Variants in PRKG1 observed in about 807,000 individuals in gnomAD.
The protein encoded by PRKG1 is cGMP-dependent protein kinase 1.
Under a neutral mutation model 88.1 loss-of-function variants are expected in PRKG1, and 35 were observed. The ratio of observed to expected loss-of-function variants is 0.40; its 90% CI spans 0.30 to 0.53. PRKG1 has a LOEUF of 0.53. Among genes scored for constraint, PRKG1 ranks in the 20% least tolerant of loss-of-function variants. The pLI is 0.59. For synonymous variants in PRKG1, 303 were observed against 292.5 expected (o/e 1.04, Z -0.37); for missense variants, 540 against 839.8 (o/e 0.64, Z 4.41).
rs867126905 is a variant in PRKG1, at chr10:51,451,475, G to A, written c.479-16248G>A. 3.3e-5 allele frequency among the ~76,000 whole-genome samples: 5 copies of A among 151,890 alleles called. No individual in the cohort carries two copies. The South Asian group carries it at 8.3e-4, about 25-fold the overall frequency. On this transcript the variant is annotated intron_variant, in intron 2 of 17. Transcript: ENST00000373980. Reference sequence around the variant, plus strand: ...GCTAGACCATGAGGTTTGAATAAGAGAATGTCAGAGATGAAGACTCAAACT... The same window carrying A: ...GCTAGACCATGAGGTTTGAATAAGAAAATGTCAGAGATGAAGACTCAAACT...
chr10:52,117,814 A>G (rs934098134), intron 7 of PRKG1, among the ~76,000 whole-genome samples: 3 of 152,058 alleles, frequency 2.0e-5, no homozygotes, highest in Non-Finnish European at 4.4e-5. Context: ...GTGTGTGCAT[A>G]TGTGTTTTAC....
At chr10:52,270,856 A>G (rs1287815137) in intron 10 of PRKG1, among the ~76,000 whole-genome samples, 1 of 151,936 alleles carries the variant, frequency 6.6e-6, no homozygotes, top group African/African-American at 2.4e-5. Context: ...CGTACCCTAG[A>G]ACTTAAAGTA....
intron 3 of PRKG1, among the ~76,000 whole-genome samples, chr10:51,557,334 C>T (rs567961739): frequency 7.3e-6 from 1 of 136,428 alleles, no homozygotes; most frequent in Non-Finnish European, 1.6e-5. Flanking sequence ...TGGGCACCGG[C>T]ATACACCACC....
At chr10:52,059,342 A>G (rs1023127368) in intron 6 of PRKG1, among the ~76,000 whole-genome samples, 2 of 152,002 alleles carry the variant, frequency 1.3e-5, no homozygotes, top group Admixed American at 1.3e-4. Flanking sequence ...ATGAAAATAT[A>G]GCTCACACAA....
chr10:52,239,270 A>G (rs1380890201), intron 9 of PRKG1, among the ~76,000 whole-genome samples: 2 of 145,964 alleles, frequency 1.4e-5, no homozygotes, highest in East Asian at 2.0e-4. Flanking sequence ...ATGTATACAT[A>G]TGTAACTAAC....
At chr10:51,594,295 T>G (rs1838386505) in intron 3 of PRKG1, among the ~76,000 whole-genome samples, 1 of 152,204 alleles carries the variant, frequency 6.6e-6, no homozygotes. Flanking sequence ...CTAAAAGCAC[T>G]GGGATTACAG....
intron 1 of PRKG1, among the ~76,000 whole-genome samples, chr10:51,145,416 T>G (rs2131962021): frequency 6.6e-6 from 1 of 152,300 alleles, no homozygotes; most frequent in African/African-American, 2.4e-5. Context: ...GAGTTAGTTC[T>G]TAATAGATCA....
intron 3 of PRKG1, among the ~76,000 whole-genome samples, chr10:51,745,268 A>G (rs1400764872): frequency 6.6e-6 from 1 of 152,188 alleles, no homozygotes; most frequent in South Asian, 2.1e-4. Flanking sequence ...ACATTTATTA[A>G]CTTATCAAAC....
At chr10:52,020,459 T>C (rs4279961) in intron 5 of PRKG1, among the ~76,000 whole-genome samples, 121,038 of 152,078 alleles carry the variant, frequency 0.8, 48,314 homozygotes, top group Non-Finnish European at 0.82. Flanking sequence ...AAGAATTCGA[T>C]GGAGGGGCAT....
chr10:51,329,548 TACTC>T (rs1841677297), intron 2 of PRKG1, among the ~76,000 whole-genome samples: 1 of 152,236 alleles, frequency 6.6e-6, no homozygotes, highest in Admixed American at 6.5e-5. Context: ...GTTTTTGTGA[TACTC>T]ACTAGCTTTT....
At position 51,230,185 on chromosome 10, in the gene PRKG1, T is replaced by C. The variant is rs1013423538; in HGVS notation, c.478+76855T>C. ...AAAGAGAATAAAAATGAATTAGTTG[T>C]GGGAAATTAGATATGGGAACATGAA... is the stretch of plus-strand genomic sequence containing the variant. On this transcript the variant is annotated intron_variant, in intron 2 of 17. Transcript: ENST00000373980. Among the ~76,000 whole-genome samples, 28 of 152,054 alleles carry C rather than the reference T, an allele frequency of 1.8e-4. 1 individual carries two copies. Among genetic ancestry groups the C allele is most frequent in the Non-Finnish European group, 3.7e-4 (25 of 68,012 alleles).
chr10:51,890,841 A>T (rs1410145976), intron 4 of PRKG1, among the ~76,000 whole-genome samples: 1 of 152,190 alleles, frequency 6.6e-6, no homozygotes, highest in East Asian at 1.9e-4. Flanking sequence ...CAGTAATCCC[A>T]GCTCCTCAAG....
chr10:51,092,887 A>T (rs1418182794), intron 1 of PRKG1, among the ~76,000 whole-genome samples: 1 of 152,194 alleles, frequency 6.6e-6, no homozygotes, highest in African/African-American at 2.4e-5. Flanking sequence ...ATGTTTGTGG[A>T]TGGGAACCAG....
chr10:51,153,564 TAAAA>T (rs1846131234), intron 2 of PRKG1, among the ~76,000 whole-genome samples: 1 of 151,970 alleles, frequency 6.6e-6, no homozygotes, highest in Non-Finnish European at 1.5e-5. Flanking sequence ...ATGGAAAAGT[TAAAA>T]ATGTGAAAAA....
At chr10:51,654,557 AAC>A (rs147782906) in intron 3 of PRKG1, among the ~76,000 whole-genome samples, 3 of 151,376 alleles carry the variant, frequency 2.0e-5, no homozygotes, top group Non-Finnish European at 3.0e-5. Context: ...AGGAAAGAAA[AAC>A]ACACACACAC....
In PRKG1 at chr10:52,085,852, CT is replaced by C. The variant is rs933721756; in HGVS notation, c.935+23228del. On this transcript the variant is annotated intron_variant, in intron 7 of 17. Coordinates refer to ENST00000373980, the MANE Select transcript of PRKG1 (RefSeq NM_006258.4). ...GGTTCCTAACATAAACATATTTACT[CT>C]TTTTTTCAGTCCTATATTAAATGTA... Among the ~76,000 whole-genome samples, 11 of 152,110 alleles carry C rather than the reference CT, an allele frequency of 7.2e-5. No individual in the cohort carries two copies. The South Asian group carries it at 1.7e-3, about 23-fold the overall frequency.
At chr10:51,759,466 C>G (rs1367454754) in intron 3 of PRKG1, among the ~76,000 whole-genome samples, 1 of 152,082 alleles carries the variant, frequency 6.6e-6, no homozygotes. Context: ...GGGGTTTCAC[C>G]ATGTTGGCCA....
chr10:51,124,138 T>C (rs138350590), intron 1 of PRKG1, among the ~76,000 whole-genome samples: 52 of 152,232 alleles, frequency 3.4e-4, no homozygotes, highest in African/African-American at 1.1e-3. Context: ...GAAGATATGA[T>C]CTGGGGGTCA....
intron 3 of PRKG1, among the ~76,000 whole-genome samples, chr10:51,580,715 C>CT (rs34592864): frequency 3.4e-4 from 51 of 151,474 alleles, no homozygotes; most frequent in African/African-American, 9.2e-4. Flanking sequence ...AAATTATATT[C>CT]TTTTTTTTTG....
Sources: gnomAD v4.1 joint callset for allele counts (sites outside exome capture counted in the v4.1 genomes callset) on GRCh38, gnomAD v4.1.1 for gene constraint, MANE v1.5 for transcripts, NCBI Gene and HGNC (gene_info 2026-07-23, HGNC 2026-07-21) for gene names.